The following CMTM4 variants were observed in gnomAD, a reference collection of about 807,000 sequenced individuals.
CMTM4 encodes CKLF like MARVEL transmembrane domain containing 4.
CMTM4 carries 8 observed loss-of-function variants against 19.0 expected under a neutral mutation model. That is an observed-to-expected ratio of 0.42 (90% confidence interval 0.25 to 0.76). The LOEUF is 0.76. Ranked by LOEUF, CMTM4 falls within the 30% of genes least tolerant of loss-of-function variation. CMTM4 has a pLI of 0.27. For synonymous variants in CMTM4, 106 were observed against 121.1 expected (o/e 0.88, Z 0.82); for missense variants, 228 against 290.2 (o/e 0.79, Z 1.56).
rs1362337862 is a variant in CMTM4 at position 66,618,505 on chromosome 16, C to A, written c.*3553G>T. The A allele has an allele frequency of 1.0e-6, 1 of 985,364 alleles. No homozygotes were observed. The highest frequency in any genetic ancestry group is 1.1e-4 in the East Asian group (1 of 8,832). The allele number at this position is 985,364 out of a possible 1,614,324, so 61.0% of individuals were successfully genotyped here. On this transcript the variant is annotated 3_prime_UTR_variant, in exon 4 of 4. Coordinates refer to ENST00000394106, the MANE Select transcript of CMTM4 (RefSeq NM_181521.3). The stretch of plus-strand genomic sequence containing the variant: ...AGAAAGGGATTAGACCTCAGTCCAC[C>A]TCTCAGAGCACATGGATAGGTGACG...
At chr16:66,606,291 A>G in the CMTM4 span, among the ~76,000 whole-genome samples, 1 of 152,118 alleles carries the variant, frequency 6.6e-6, no homozygotes, top group African/African-American at 2.4e-5. Flanking sequence ...CGCGGGATGA[A>G]AAAACAGGAA....
chr16:66,680,073 C>T (rs560121988), intron 1 of CMTM4, among the ~76,000 whole-genome samples: 1 of 152,304 alleles, frequency 6.6e-6, no homozygotes, highest in South Asian at 2.1e-4. Flanking sequence ...ACAAATAAAA[C>T]ACTTAGCAAT....
At chr16:66,599,253 G>T in the CMTM4 span, among the ~76,000 whole-genome samples, 1 of 152,002 alleles carries the variant, frequency 6.6e-6, no homozygotes, top group Non-Finnish European at 1.5e-5. Context: ...TCTTGCCACT[G>T]CACTCCAGCC....
chr16:66,691,604 G>A (rs983443022), intron 1 of CMTM4, among the ~76,000 whole-genome samples: 1 of 152,192 alleles, frequency 6.6e-6, no homozygotes, highest in Non-Finnish European at 1.5e-5. Flanking sequence ...GGAGGGCTGA[G>A]GTGGAAGGAT....
chr16:66,667,356 AT>A (rs2016616233), intron 1 of CMTM4, among the ~76,000 whole-genome samples: 1 of 152,152 alleles, frequency 6.6e-6, no homozygotes, highest in Non-Finnish European at 1.5e-5. Flanking sequence ...AAATAAAAAA[AT>A]AAAAGTTGTA....
At chr16:66,683,188 TATATAC>T (rs1300434769) in intron 1 of CMTM4, among the ~76,000 whole-genome samples, 3 of 95,904 alleles carry the variant, frequency 3.1e-5, no homozygotes, top group South Asian at 4.2e-4. Flanking sequence ...TATGTATATA[TATATAC>T]ATATATATAT....
chr16:66,627,848 C>T (rs1188767489), intron 2 of CMTM4, among the ~76,000 whole-genome samples: 2 of 152,122 alleles, frequency 1.3e-5, no homozygotes, highest in Admixed American at 6.5e-5. Context: ...CCCAGGAGAC[C>T]GGCACTCAGC....
chr16:66,671,479 T>C (rs1345786793), intron 1 of CMTM4, among the ~76,000 whole-genome samples: 1 of 152,206 alleles, frequency 6.6e-6, no homozygotes, highest in Non-Finnish European at 1.5e-5. Flanking sequence ...AGAACAACAA[T>C]GGTTTCATAG....
At chr16:66,604,865 C>A in the CMTM4 span, 2 of 1,400,378 alleles carry the variant, frequency 1.4e-6, no homozygotes, top group Non-Finnish European at 1.9e-6. Flanking sequence ...GCTCCCGTCC[C>A]GGCCCCGCGG....
chr16:66,677,075 T>C (rs1485511874), intron 1 of CMTM4, among the ~76,000 whole-genome samples: 1 of 152,056 alleles, frequency 6.6e-6, no homozygotes, highest in Non-Finnish European at 1.5e-5. Flanking sequence ...ACCCTGTCTC[T>C]ACAAAACACA....
intron 1 of CMTM4, among the ~76,000 whole-genome samples, chr16:66,693,422 A>G (rs1204529848): frequency 6.6e-6 from 1 of 152,196 alleles, no homozygotes; most frequent in Non-Finnish European, 1.5e-5. Flanking sequence ...CCGCAGAGTT[A>G]GAACTTACTC....
intron 1 of CMTM4, among the ~76,000 whole-genome samples, chr16:66,689,654 G>A (rs1328658066): frequency 6.6e-6 from 1 of 152,126 alleles, no homozygotes; most frequent in South Asian, 2.1e-4. Context: ...CAATCCACCT[G>A]CCTCGGCCTC....
chr16:66,624,673 A>T (rs904382977), intron 2 of CMTM4, among the ~76,000 whole-genome samples: 6 of 152,230 alleles, frequency 3.9e-5, no homozygotes, highest in African/African-American at 1.4e-4. Flanking sequence ...CAGCTGAAGT[A>T]CGAGAATCAC....
At position 66,617,949 on chromosome 16, in the gene CMTM4, A is replaced by G; in HGVS notation, c.*4109T>C. On this transcript the variant is annotated 3_prime_UTR_variant, in exon 4 of 4. Transcript: ENST00000394106. ...GGCAGTTAACAAAGTACACGTTTCC[A>G]AGACAGCCTGAGCTGTCTAGTGCTG... is the stretch of plus-strand genomic sequence containing the variant. 3 of 987,062 alleles carry G rather than the reference A, an allele frequency of 3.0e-6. No individual in the cohort carries two copies. The highest frequency in any genetic ancestry group is 3.6e-6 in the Non-Finnish European group (3 of 831,064). The allele number at this position is 987,062 out of a possible 1,614,324, so 61.1% of individuals were successfully genotyped here.
chr16:66,672,227 GTC>G (rs1000053829), intron 1 of CMTM4, among the ~76,000 whole-genome samples: 2 of 150,788 alleles, frequency 1.3e-5, no homozygotes, highest in African/African-American at 4.9e-5. Flanking sequence ...GTGAAACACT[GTC>G]TCTACTAAAA....
the CMTM4 span, chr16:66,604,138 C>T: frequency 1.8e-4 from 27 of 147,748 alleles, no homozygotes; most frequent in Non-Finnish European, 3.1e-4. Context: ...CGCGCGCGCG[C>T]GCGTGTGTGT....
At chr16:66,660,029 T>C (rs1292025050) in intron 1 of CMTM4, among the ~76,000 whole-genome samples, 2 of 152,138 alleles carry the variant, frequency 1.3e-5, no homozygotes, top group African/African-American at 2.4e-5. Context: ...CAAAAGAAGA[T>C]ATATAGATGG....
At chr16:66,685,272 T>C (rs1483675547) in intron 1 of CMTM4, among the ~76,000 whole-genome samples, 2 of 152,172 alleles carry the variant, frequency 1.3e-5, no homozygotes, top group East Asian at 1.9e-4. Flanking sequence ...AGGAATCCCA[T>C]GTCATCCTGC....
the CMTM4 span, among the ~76,000 whole-genome samples, chr16:66,609,208 G>A: frequency 1.3e-5 from 2 of 152,222 alleles, no homozygotes; most frequent in African/African-American, 4.8e-5. The surrounding 1 kb of genome is among the most constrained non-coding windows in gnomAD (Gnocchi z 4.4). Context: ...CCAGAGCTTA[G>A]GACAGCAGCC....
Sources: gnomAD v4.1 joint callset for allele counts (sites outside exome capture counted in the v4.1 genomes callset) on GRCh38, gnomAD v4.1.1 for gene constraint, Gnocchi (gnomAD v3.1) non-coding constraint, MANE v1.5 for transcripts, NCBI Gene and HGNC (gene_info 2026-07-23, HGNC 2026-07-21) for gene names.